GPATCH2: variants seen among roughly 807,000 people sequenced by gnomAD.
GPATCH2 encodes the protein G patch domain-containing protein 2.
Under a neutral mutation model 58.0 loss-of-function variants are expected in GPATCH2, and 51 were observed. The observed-to-expected ratio is 0.88, with a 90% CI of 0.70 to 1.11. GPATCH2 has a LOEUF of 1.11. Among genes scored for constraint, GPATCH2 ranks in the 50% most tolerant of loss-of-function variants. The pLI is 0.00. For synonymous variants in GPATCH2, 222 were observed against 218.5 expected (o/e 1.02, Z -0.14); for missense variants, 625 against 652.2 (o/e 0.96, Z 0.45).
chr1:217,508,448 A>G (rs1317852089), intron 6 of GPATCH2, among the ~76,000 whole-genome samples: 1 of 152,156 alleles, frequency 6.6e-6, no homozygotes, highest in Non-Finnish European at 1.5e-5. Flanking sequence ...TCCTCAGGTA[A>G]ATATCCTCTA....
intron 8 of GPATCH2, 174 bp downstream of exon 8, chr1:217,491,506 A>G (rs1399423007): frequency 6.3e-6 from 2 of 318,206 alleles, no homozygotes; most frequent in African/African-American, 4.3e-5. Flanking sequence ...AATATAAATA[A>G]AATATCTTTT....
intron 5 of GPATCH2, among the ~76,000 whole-genome samples, chr1:217,545,192 C>T (rs1237614005): frequency 6.6e-6 from 1 of 152,218 alleles, no homozygotes; most frequent in Admixed American, 6.5e-5. Flanking sequence ...TCACAGGCGG[C>T]TACAATATAA....
chr1:217,464,457 T>C (rs540169571), intron 8 of GPATCH2, among the ~76,000 whole-genome samples: 20 of 152,090 alleles, frequency 1.3e-4, no homozygotes, highest in Non-Finnish European at 2.1e-4. Flanking sequence ...ATGCTAAACA[T>C]AGGAGGTGTA....
At chr1:217,519,135 T>A (rs1166285339) in intron 5 of GPATCH2, among the ~76,000 whole-genome samples, 2 of 152,248 alleles carry the variant, frequency 1.3e-5, no homozygotes, top group African/African-American at 4.8e-5. Context: ...TATTTATCTC[T>A]TATCCCCATA....
At chr1:217,585,812 C>T (rs1488846576) in intron 5 of GPATCH2, among the ~76,000 whole-genome samples, 3 of 152,014 alleles carry the variant, frequency 2.0e-5, no homozygotes, top group South Asian at 2.1e-4. Flanking sequence ...ACACAAACAT[C>T]GTAGAGTATA....
intron 7 of GPATCH2, among the ~76,000 whole-genome samples, chr1:217,493,012 G>A (rs1661824105): frequency 1.3e-5 from 2 of 152,028 alleles, no homozygotes; most frequent in African/African-American, 4.8e-5. Context: ...TCAAGAATAT[G>A]GTTAGGCTCA....
chr1:217,524,047 C>T (rs1394941701), intron 5 of GPATCH2, among the ~76,000 whole-genome samples: 8 of 150,150 alleles, frequency 5.3e-5, no homozygotes, highest in African/African-American at 1.7e-4. Context: ...CCCCTCACCT[C>T]CCGGATGGGG....
At chr1:217,512,965 C>A (rs924350338) in intron 6 of GPATCH2, among the ~76,000 whole-genome samples, 7 of 152,138 alleles carry the variant, frequency 4.6e-5, no homozygotes, top group Non-Finnish European at 8.8e-5. Context: ...TATTAAGTAT[C>A]TCATTTCCTG....
chr1:217,503,853 G>T (rs1166244855), intron 6 of GPATCH2, among the ~76,000 whole-genome samples: 1 of 152,104 alleles, frequency 6.6e-6, no homozygotes, highest in Non-Finnish European at 1.5e-5. Context: ...GTTGGTCAAA[G>T]GAGTACCCAA....
intron 9 of GPATCH2, among the ~76,000 whole-genome samples, chr1:217,438,141 G>T (rs1490989061): frequency 2.0e-5 from 3 of 152,106 alleles, no homozygotes; most frequent in Non-Finnish European, 4.4e-5. Flanking sequence ...TGCAGCAGAG[G>T]GACCTGTTAG....
intron 5 of GPATCH2, among the ~76,000 whole-genome samples, chr1:217,556,913 CTT>C (rs970584805): frequency 1.3e-5 from 2 of 152,184 alleles, no homozygotes; most frequent in African/African-American, 4.8e-5. Context: ...CTCACTGTGA[CTT>C]TAATTACAGT....
intron 5 of GPATCH2, among the ~76,000 whole-genome samples, chr1:217,577,263 G>C (rs1183822304): frequency 6.6e-6 from 1 of 152,154 alleles, no homozygotes; most frequent in Non-Finnish European, 1.5e-5. Context: ...TAAAAAGTAA[G>C]AATAATACAA....
At chr1:217,465,508 G>C (rs1266964507) in intron 8 of GPATCH2, among the ~76,000 whole-genome samples, 2 of 152,174 alleles carry the variant, frequency 1.3e-5, no homozygotes. Context: ...TGTTGTGGGA[G>C]GGACCAGGGG....
chr1:217,463,167 G>A (rs2102490367), intron 8 of GPATCH2, among the ~76,000 whole-genome samples: 1 of 152,208 alleles, frequency 6.6e-6, no homozygotes, highest in Admixed American at 6.5e-5. Flanking sequence ...AGTACAAATT[G>A]GAAATAGAAT....
At chr1:217,436,159 G>C (rs939637236) in intron 9 of GPATCH2, among the ~76,000 whole-genome samples, 2 of 151,514 alleles carry the variant, frequency 1.3e-5, no homozygotes, top group Non-Finnish European at 2.9e-5. Context: ...CTTATGGAAT[G>C]CTTATGTATC....
At chr1:217,442,294 G>C (rs1162722777) in intron 9 of GPATCH2, among the ~76,000 whole-genome samples, 3 of 152,132 alleles carry the variant, frequency 2.0e-5, no homozygotes, top group Non-Finnish European at 2.9e-5. Flanking sequence ...TGAACAATGA[G>C]AACACATGGA....
Position 217,610,751 on chromosome 1 carries a change from T to C in GPATCH2, c.1018+138A>G, listed in dbSNP as rs555870839. The C allele has an allele frequency of 2.5e-5, 15 of 606,662 alleles. No individual in the cohort carries two copies. The African/African-American group carries it at 2.6e-4, about 10-fold the overall frequency. 37.6% of individuals were successfully genotyped at this position (606,662 alleles called of 1,614,324 possible). ...GAAAGCATGATAAATGTAGTAGCTA[T>C]ATTAGTGGCCAATATGTTTCTTTAC... On this transcript the variant is annotated intron_variant, in intron 4 of 9. Coordinates refer to ENST00000366935, the MANE Select transcript of GPATCH2 (RefSeq NM_018040.5).
At chr1:217,615,455 T>C (rs1168366013) in intron 2 of GPATCH2, among the ~76,000 whole-genome samples, 3 of 152,108 alleles carry the variant, frequency 2.0e-5, no homozygotes, top group Admixed American at 2.0e-4. Flanking sequence ...TTTACAAATA[T>C]ATATGCTCTT....
intron 6 of GPATCH2, 139 bp from the exon 7 acceptor site, chr1:217,498,534 T>C: frequency 1.4e-6 from 1 of 718,510 alleles, no homozygotes; most frequent in Non-Finnish European, 2.5e-6. Flanking sequence ...GGATGTTTCA[T>C]GTAATTCTAG....
Sources: allele counts gnomAD v4.1 joint callset (sites outside exome capture counted in the v4.1 genomes callset), GRCh38; gene constraint gnomAD v4.1.1; transcripts MANE v1.5; gene names NCBI Gene and HGNC (gene_info 2026-07-23, HGNC 2026-07-21).